DGKB: variants seen among roughly 807,000 people sequenced by gnomAD.
DGKB encodes diacylglycerol kinase beta.
A neutral mutation model predicts 114.3 loss-of-function variants in DGKB; 67 were observed. The observed-to-expected ratio is 0.59, with a 90% CI of 0.48 to 0.72. DGKB has a LOEUF of 0.72. Ranked by LOEUF, DGKB falls within the 30% of genes least tolerant of loss-of-function variation. The pLI, the probability that DGKB is intolerant of heterozygous loss-of-function variation, is 0.00. For missense variants in DGKB, 907 were observed against 975.2 expected, an observed-to-expected ratio of 0.93 and a Z score of 0.93; for synonymous variants, 398 against 323.1, an observed-to-expected ratio of 1.23 and a Z score of -2.49.
chr7:14,279,540 T>C (rs577179000), intron 23 of DGKB, among the ~76,000 whole-genome samples: 4 of 152,234 alleles, frequency 2.6e-5, no homozygotes, highest in Non-Finnish European at 5.9e-5. Context: ...GATGAAATTC[T>C]GGGTTGAAAA....
chr7:14,727,099 A>G (rs907584358), intron 5 of DGKB, among the ~76,000 whole-genome samples: 2 of 152,220 alleles, frequency 1.3e-5, no homozygotes, highest in East Asian at 3.8e-4. Flanking sequence ...TTTGAACATG[A>G]AAGTACAAAA....
chr7:14,428,144 C>A (rs1827864912), intron 21 of DGKB, among the ~76,000 whole-genome samples: 1 of 151,812 alleles, frequency 6.6e-6, no homozygotes, highest in African/African-American at 2.4e-5. Context: ...AGACAGTGTT[C>A]TATACTTTGT....
chr7:14,550,745 G>A (rs750118314), intron 20 of DGKB, among the ~76,000 whole-genome samples: 1 of 151,876 alleles, frequency 6.6e-6, no homozygotes, highest in Admixed American at 6.6e-5. Context: ...ACATGATGAC[G>A]GAATTATCTG....
At chr7:14,829,057 A>G (rs1562648901) in intron 2 of DGKB, among the ~76,000 whole-genome samples, 1 of 152,142 alleles carries the variant, frequency 6.6e-6, no homozygotes, top group African/African-American at 2.4e-5. Flanking sequence ...AAATCAACTC[A>G]GATGATGTGT....
At chr7:14,394,122 T>C (rs907075810) in intron 21 of DGKB, among the ~76,000 whole-genome samples, 13 of 152,326 alleles carry the variant, frequency 8.5e-5, no homozygotes, top group African/African-American at 3.1e-4. Context: ...TTTAGCTCCT[T>C]TCCAAGGTTC....
Position 14,147,748 on chromosome 7 carries a change from A to G in DGKB, c.*1383T>C, listed in dbSNP as rs1781630746. On this transcript the variant is annotated 3_prime_UTR_variant, in exon 26 of 26. Coordinates refer to ENST00000402815, the MANE Select transcript of DGKB (RefSeq NM_001350709.2). ...ATGAGATGCAGGTCAATATGAATGA[A>G]CAATATTACAAGACTGCTCAGAAGC... is the stretch of plus-strand genomic sequence containing the variant. 6.6e-6 allele frequency: 1 copy of G among 152,580 alleles called. No homozygotes were observed. Among genetic ancestry groups the G allele is most frequent in the Admixed American group, 6.6e-5 (1 of 15,262 alleles). 9.5% of individuals were successfully genotyped at this position (152,580 alleles called of 1,614,324 possible). A position where few individuals can be genotyped will look rare whatever the true frequency, so the allele number is the denominator to read the frequency against.
At chr7:14,792,560 C>T (rs888027703) in intron 2 of DGKB, among the ~76,000 whole-genome samples, 3 of 151,942 alleles carry the variant, frequency 2.0e-5, no homozygotes, top group African/African-American at 7.3e-5. Flanking sequence ...ACCCTGGTTC[C>T]CTGAAATATC....
intron 13 of DGKB, among the ~76,000 whole-genome samples, chr7:14,669,417 T>C (rs900636443): frequency 9.2e-5 from 14 of 152,140 alleles, no homozygotes; most frequent in African/African-American, 2.9e-4. Flanking sequence ...CTGTCAAGTG[T>C]CTACTGCCTC....
At chr7:14,239,592 C>G (rs1185084943) in intron 23 of DGKB, among the ~76,000 whole-genome samples, 1 of 151,968 alleles carries the variant, frequency 6.6e-6, no homozygotes, top group African/African-American at 2.4e-5. Flanking sequence ...TAATTAGCAT[C>G]TTCATTTTAG....
At chr7:14,199,261 T>C (rs1271217663) in intron 23 of DGKB, among the ~76,000 whole-genome samples, 2 of 151,990 alleles carry the variant, frequency 1.3e-5, no homozygotes, top group Non-Finnish European at 2.9e-5. Context: ...GTGAAGTAAT[T>C]GAGCGTGATG....
At chr7:14,849,553 T>C (rs1849075171) in intron 1 of DGKB, among the ~76,000 whole-genome samples, 1 of 152,148 alleles carries the variant, frequency 6.6e-6, no homozygotes, top group South Asian at 2.1e-4. Flanking sequence ...CCAATACTGT[T>C]ATAAAATAAA....
intron 23 of DGKB, among the ~76,000 whole-genome samples, chr7:14,233,801 A>G (rs541635697): frequency 6.6e-6 from 1 of 152,074 alleles, no homozygotes; most frequent in Admixed American, 6.6e-5. Flanking sequence ...AGGTCGAAGA[A>G]GAGAAGAGCC....
chr7:14,219,075 T>C (rs540202239), intron 23 of DGKB, among the ~76,000 whole-genome samples: 2 of 152,100 alleles, frequency 1.3e-5, no homozygotes, highest in South Asian at 4.1e-4. Flanking sequence ...TTAAGGTTAC[T>C]CCATGTTCTA....
intron 17 of DGKB, among the ~76,000 whole-genome samples, chr7:14,589,402 G>C (rs1396815511): frequency 6.6e-6 from 1 of 151,792 alleles, no homozygotes; most frequent in African/African-American, 2.4e-5. Context: ...CTTTTTCCTT[G>C]ACAGAATTCC....
At chr7:14,615,560 T>C (rs1806357457) in intron 15 of DGKB, among the ~76,000 whole-genome samples, 1 of 151,824 alleles carries the variant, frequency 6.6e-6, no homozygotes, top group African/African-American at 2.4e-5. Flanking sequence ...TAGGGGTAGT[T>C]AAATGGAGAA....
At chr7:14,293,795 C>A (rs1231612940) in intron 23 of DGKB, among the ~76,000 whole-genome samples, 1 of 152,142 alleles carries the variant, frequency 6.6e-6, no homozygotes, top group Non-Finnish European at 1.5e-5. Flanking sequence ...TGGCTTCCTG[C>A]TGCACTTGGA....
intron 20 of DGKB, among the ~76,000 whole-genome samples, chr7:14,480,374 G>C (rs1782807608): frequency 6.6e-6 from 1 of 152,072 alleles, no homozygotes; most frequent in African/African-American, 2.4e-5. Flanking sequence ...CATAAAAAGA[G>C]AACTGGCATT....
intron 2 of DGKB, among the ~76,000 whole-genome samples, chr7:14,791,037 C>T (rs983183945): frequency 1.3e-5 from 2 of 151,912 alleles, no homozygotes; most frequent in African/African-American, 4.8e-5. Context: ...CACTATGTTG[C>T]CCAAGCTGGT....
At chr7:14,372,712 C>G (rs1023924022) in intron 21 of DGKB, among the ~76,000 whole-genome samples, 1 of 151,926 alleles carries the variant, frequency 6.6e-6, no homozygotes, top group Non-Finnish European at 1.5e-5. Flanking sequence ...CTTATCTACT[C>G]ACCTTGTTTT....
Sources: allele counts gnomAD v4.1 joint callset (sites outside exome capture counted in the v4.1 genomes callset), GRCh38; gene constraint gnomAD v4.1.1; transcripts MANE v1.5; gene names NCBI Gene and HGNC (gene_info 2026-07-23, HGNC 2026-07-21).